The following GUCA1C variants were observed in gnomAD, a reference collection of about 807,000 sequenced individuals.
GUCA1C encodes the protein guanylate cyclase activator 1C.
GUCA1C carries 15 observed loss-of-function variants against 16.2 expected under a neutral mutation model. The observed-to-expected ratio is 0.93, with a 90% CI of 0.62 to 1.43. The LOEUF is 1.43. Ranked by LOEUF, GUCA1C falls within the 40% of genes most tolerant of loss-of-function variation. The pLI, the probability that GUCA1C is intolerant of heterozygous loss-of-function variation, is 0.00. For synonymous variants in GUCA1C, 78 were observed against 85.4 expected (o/e 0.91, Z 0.48); for missense variants, 275 against 244.8 (o/e 1.12, Z -0.82).
At chr3:108,936,149 C>T (rs139208890) in intron 1 of GUCA1C, among the ~76,000 whole-genome samples, 1 of 152,126 alleles carries the variant, frequency 6.6e-6, no homozygotes, top group East Asian at 1.9e-4. Flanking sequence ...CCTGTAGTCC[C>T]AGCTATTCAG....
At chr3:108,918,583 G>T (rs2715689) in intron 2 of GUCA1C, among the ~76,000 whole-genome samples, 95,877 of 151,912 alleles carry the variant, frequency 0.63, 31,006 homozygotes, top group East Asian at 0.84. Flanking sequence ...CTAAACAAAT[G>T]TCCCTCAAAA....
chr3:108,919,290 T>C (rs1946548738), intron 2 of GUCA1C, among the ~76,000 whole-genome samples: 1 of 152,156 alleles, frequency 6.6e-6, no homozygotes, highest in African/African-American at 2.4e-5. Context: ...AGAAATGCTT[T>C]GGTGGCATCC....
intron 1 of GUCA1C, among the ~76,000 whole-genome samples, chr3:108,952,103 C>T (rs1480423821): frequency 6.6e-6 from 1 of 152,190 alleles, no homozygotes; most frequent in Non-Finnish European, 1.5e-5. Context: ...GCCTAAGAAG[C>T]TGCTGTCTAG....
At chr3:108,932,695 G>T (rs1946681388) in intron 1 of GUCA1C, among the ~76,000 whole-genome samples, 1 of 152,172 alleles carries the variant, frequency 6.6e-6, no homozygotes, top group Admixed American at 6.5e-5. Context: ...GCTGAGGCGG[G>T]TGGATCACCT....
intron 3 of GUCA1C, among the ~76,000 whole-genome samples, chr3:108,910,713 T>A (rs184553649): frequency 2.0e-5 from 3 of 151,588 alleles, no homozygotes; most frequent in South Asian, 2.1e-4. Flanking sequence ...GCAGTGGGGC[T>A]ATCTCGGCTG....
chr3:108,928,006 G>T (rs1420268067), intron 1 of GUCA1C, among the ~76,000 whole-genome samples: 2 of 152,322 alleles, frequency 1.3e-5, no homozygotes, highest in South Asian at 4.1e-4. Context: ...GTCACCTAGC[G>T]GAGCTACTGT....
At chr3:108,919,434 A>AT (rs1261982609) in intron 2 of GUCA1C, among the ~76,000 whole-genome samples, 1 of 152,182 alleles carries the variant, frequency 6.6e-6, no homozygotes, top group Non-Finnish European at 1.5e-5. Context: ...GTTGCAATAT[A>AT]TAAGGTATAG....
Position 108,920,481 on chromosome 3 carries a change from A to G in GUCA1C, c.309T>C (p.Asp103=), listed in dbSNP as rs201582819. Residue 103 remains aspartate (D), a synonymous_variant, in exon 2 of 4, where the codon GAT becomes GAC. Transcript: ENST00000261047. ...LKWYFKLYDA[D]GNGSIDKNEL... is the part of the protein sequence containing the mutation. The stretch of plus-strand genomic sequence containing the variant: ...CATTTTTGTCAATAGAACCATTTCC[A>G]TCAGCATCATACAGCTTAAAATACC... 3.7e-6 allele frequency: 6 copies of G among 1,606,942 alleles called. No individual in the cohort carries two copies. The highest frequency in any genetic ancestry group is 1.1e-5 in the South Asian group (1 of 90,862).
chr3:108,920,327 A>G (rs549227312), intron 2 of GUCA1C, 109 bp downstream of exon 2: 9 of 767,048 alleles, frequency 1.2e-5, no homozygotes, highest in East Asian at 2.6e-5. Flanking sequence ...TTCAAAATGT[A>G]TATCGCCAAA....
intron 3 of GUCA1C, among the ~76,000 whole-genome samples, chr3:108,910,421 C>T (rs1452056192): frequency 6.6e-6 from 1 of 151,332 alleles, no homozygotes; most frequent in Non-Finnish European, 1.5e-5. Flanking sequence ...TCGCGTGAAC[C>T]CGGGAGGCGG....
intron 1 of GUCA1C, among the ~76,000 whole-genome samples, chr3:108,932,092 C>T (rs1413218757): frequency 1.3e-5 from 2 of 151,340 alleles, no homozygotes; most frequent in Non-Finnish European, 2.9e-5. Flanking sequence ...CCTCGTGATC[C>T]GCCCACCTCG....
At chr3:108,909,220 T>C (rs944648865) in intron 3 of GUCA1C, among the ~76,000 whole-genome samples, 4 of 152,226 alleles carry the variant, frequency 2.6e-5, no homozygotes, top group African/African-American at 9.6e-5. Context: ...AATGCTAAAA[T>C]GCATTTTTTA....
At chr3:108,916,631 T>C (rs976226067) in intron 2 of GUCA1C, among the ~76,000 whole-genome samples, 6 of 152,212 alleles carry the variant, frequency 3.9e-5, no homozygotes, top group Non-Finnish European at 8.8e-5. Flanking sequence ...AGTCTCAAGC[T>C]TCCTCTCCGG....
chr3:108,940,719 G>GT (rs1221497424), intron 1 of GUCA1C, among the ~76,000 whole-genome samples: 1 of 152,212 alleles, frequency 6.6e-6, no homozygotes, highest in African/African-American at 2.4e-5. Flanking sequence ...AATCTGCACT[G>GT]TTATCAAACC....
rs895860928 is a variant in GUCA1C, at chr3:108,948,973, G to A, written c.204+4586C>T. Among the ~76,000 whole-genome samples the A allele has an allele frequency of 4.6e-5, 7 of 151,568 alleles. No homozygotes were observed. The East Asian group carries it at 9.7e-4, about 21-fold the overall frequency. On this transcript the variant is annotated intron_variant, in intron 1 of 3. Coordinates refer to ENST00000261047, the MANE Select transcript of GUCA1C (RefSeq NM_005459.4). ...AGCAATTCTCTTGTCTCAGCCTCCC[G>A]AGCAGCTGGGATTACAGGTGCCCAC...
intron 1 of GUCA1C, among the ~76,000 whole-genome samples, chr3:108,927,432 C>CTTTTTTTTTTTTTTTTTTTTTTT (rs55930777): frequency 7.8e-6 from 1 of 128,274 alleles, no homozygotes; most frequent in African/African-American, 3.0e-5. Context: ...TTTTTTAATT[C>CTTTTTTTTTTTTTTTTTTTTTTT]TTTTTTTTTT....
At chr3:108,946,216 G>A (rs140214179) in intron 1 of GUCA1C, among the ~76,000 whole-genome samples, 5 of 152,234 alleles carry the variant, frequency 3.3e-5, no homozygotes, top group South Asian at 4.1e-4. Context: ...AGTCTCAACC[G>A]CTCCAGACTC....
intron 1 of GUCA1C, among the ~76,000 whole-genome samples, chr3:108,921,783 T>C (rs1376950372): frequency 6.6e-6 from 1 of 152,184 alleles, no homozygotes; most frequent in Non-Finnish European, 1.5e-5. Context: ...TTTCCTTTTT[T>C]CAATTTTTTT....
chr3:108,953,755 T>G lies in GUCA1C; in HGVS notation c.8A>C (p.Asn3Thr). 1 of 1,611,226 alleles carries G rather than the reference T, an allele frequency of 6.2e-7. No homozygotes were observed. Among genetic ancestry groups the G allele is most frequent in the Non-Finnish European group, 8.5e-7 (1 of 1,177,326 alleles). Residue 3 changes from asparagine (N) to threonine (T), a missense_variant, in exon 1 of 4, where the codon AAT becomes ACT. By Grantham distance (65) the Asn-to-Thr change is moderately conservative (BLOSUM62 0). Transcript: ENST00000261047. ...CTGATCACCAGCTATAGATTTGCCA[T>G]TCCCCATCTTGACTCACAGTCTACA... MGNGKSIAGDQKA... is the reference protein window; with the variant it reads MGTGKSIAGDQKA...
Sources: allele counts gnomAD v4.1 joint callset (sites outside exome capture counted in the v4.1 genomes callset), GRCh38; gene constraint gnomAD v4.1.1; transcripts MANE v1.5; gene names NCBI Gene and HGNC (gene_info 2026-07-23, HGNC 2026-07-21).